The following AUTS2 variants were observed in gnomAD, a reference collection of about 807,000 sequenced individuals.
AUTS2 encodes activator of transcription and developmental regulator AUTS2.
A neutral mutation model predicts 112.4 loss-of-function variants in AUTS2; 17 were observed. The observed-to-expected ratio is 0.15, with a 90% CI of 0.10 to 0.23. The LOEUF (loss-of-function observed/expected upper bound fraction) is 0.23, where lower values mean the gene tolerates loss of function less well. Ranked by LOEUF, AUTS2 falls within the 10% of genes least tolerant of loss-of-function variation. AUTS2 has a pLI of 1.00. For synonymous variants in AUTS2, 751 were observed against 702.7 expected (o/e 1.07, Z -1.09); for missense variants, 1,510 against 1,701.6 (o/e 0.89, Z 1.98).
intron 4 of AUTS2, among the ~76,000 whole-genome samples, chr7:70,152,502 C>T (rs1322479166): frequency 6.6e-6 from 1 of 150,518 alleles, no homozygotes; most frequent in African/African-American, 2.4e-5. Flanking sequence ...AAATTGCCAA[C>T]CTAGAATTGT....
chr7:70,224,078 G>T (rs1187186986), intron 4 of AUTS2, among the ~76,000 whole-genome samples: 1 of 152,106 alleles, frequency 6.6e-6, no homozygotes, highest in African/African-American at 2.4e-5. Flanking sequence ...ATTTTAAGAG[G>T]CTGAGGCAGG....
rs111723309 is a variant in AUTS2, at chr7:70,553,697, AT to A, written c.690+117929del. 3.3e-3 allele frequency among the ~76,000 whole-genome samples: 425 copies of A among 128,888 alleles called. 1 individual carries two copies. Among genetic ancestry groups the A allele is most frequent in the African/African-American group, 7.2e-3 (252 of 34,870 alleles). The allele number at this position is 128,888 out of a possible 152,430, so 84.6% of individuals were successfully genotyped here. A position where few individuals can be genotyped will look rare whatever the true frequency, so the allele number is the denominator to read the frequency against. On this transcript the variant is annotated intron_variant, in intron 5 of 18. Coordinates refer to ENST00000342771, the MANE Select transcript of AUTS2 (RefSeq NM_015570.4). ...AGTAATGCTAAATATTTGCAAGGTG[AT>A]TTTTTTTTTTTTAAGACTTTAAAGG...
intron 4 of AUTS2, among the ~76,000 whole-genome samples, chr7:70,180,683 A>G (rs902609107): frequency 6.6e-6 from 1 of 152,128 alleles, no homozygotes; most frequent in African/African-American, 2.4e-5. Flanking sequence ...GCTCAGGTAC[A>G]TGAACTGCAA....
At chr7:69,700,244 A>G (rs140684872) in intron 1 of AUTS2, among the ~76,000 whole-genome samples, 3 of 152,302 alleles carry the variant, frequency 2.0e-5, no homozygotes, top group Non-Finnish European at 1.5e-5. Context: ...TACTATGTCC[A>G]AGATCTGATA....
chr7:69,807,990 C>T (rs1404813639), intron 1 of AUTS2, among the ~76,000 whole-genome samples: 1 of 142,344 alleles, frequency 7.0e-6, no homozygotes, highest in Non-Finnish European at 1.5e-5. Flanking sequence ...GTTGCCCAGG[C>T]TGGAGTGCAG....
chr7:69,913,610 T>G (rs1795448395), intron 2 of AUTS2, among the ~76,000 whole-genome samples: 1 of 152,328 alleles, frequency 6.6e-6, no homozygotes, highest in South Asian at 2.1e-4. Context: ...GAGGATACCC[T>G]TCTCATATTT....
intron 4 of AUTS2, among the ~76,000 whole-genome samples, chr7:70,166,906 A>G (rs74710205): frequency 0.016 from 2,367 of 152,334 alleles, 22 homozygotes; most frequent in Middle Eastern, 0.031. Context: ...TAAAGCAAAG[A>G]GGATGGAAAA....
intron 5 of AUTS2, among the ~76,000 whole-genome samples, chr7:70,567,309 A>G (rs777118257): frequency 3.9e-4 from 60 of 152,148 alleles, no homozygotes; most frequent in Non-Finnish European, 4.3e-4. Context: ...CAAAACATAC[A>G]TTTGACTTGA....
intron 5 of AUTS2, among the ~76,000 whole-genome samples, chr7:70,508,335 A>T (rs1799052256): frequency 6.6e-6 from 1 of 152,210 alleles, no homozygotes; most frequent in South Asian, 2.1e-4. Context: ...GCAGAATAGT[A>T]GCCAGGGAGA....
At chr7:70,036,111 G>A (rs941221685) in intron 2 of AUTS2, among the ~76,000 whole-genome samples, 3 of 152,182 alleles carry the variant, frequency 2.0e-5, no homozygotes, top group South Asian at 2.1e-4. Flanking sequence ...AAAAGGTAGC[G>A]GCGCCGGCCA....
chr7:70,753,842 T>C (rs1413315122), intron 6 of AUTS2, among the ~76,000 whole-genome samples: 1 of 152,160 alleles, frequency 6.6e-6, no homozygotes, highest in Non-Finnish European at 1.5e-5. Flanking sequence ...GGCAACAGAA[T>C]AGACAGGTGA....
At chr7:69,790,660 A>G (rs998062705) in intron 1 of AUTS2, among the ~76,000 whole-genome samples, 3 of 152,266 alleles carry the variant, frequency 2.0e-5, no homozygotes, top group Non-Finnish European at 2.9e-5. Context: ...TAAAATACTT[A>G]GAAAAGTGCC....
At chr7:70,240,118 C>T (rs76595393) in intron 4 of AUTS2, among the ~76,000 whole-genome samples, 1 of 152,118 alleles carries the variant, frequency 6.6e-6, no homozygotes, top group Non-Finnish European at 1.5e-5. Flanking sequence ...AGCAATGAGC[C>T]TAGCAACCAG....
chr7:69,913,121 A>G (rs1290671664), intron 2 of AUTS2, among the ~76,000 whole-genome samples: 1 of 152,222 alleles, frequency 6.6e-6, no homozygotes, highest in East Asian at 1.9e-4. Context: ...TTTTCTCCAC[A>G]TTCCTGTGCC....
Position 69,599,950 on chromosome 7 carries a change from T to G in AUTS2, c.297T>G (p.Phe99Leu), listed in dbSNP as rs201646173. The G allele has an allele frequency of 1.9e-6, 3 of 1,613,256 alleles. No homozygotes were observed. The highest frequency in any genetic ancestry group is 2.5e-6 in the Non-Finnish European group (3 of 1,179,830). The change falls in exon 1 of 19, where the codon TTT becomes TTG. Residue 99 changes from phenylalanine to leucine, a missense_variant. Physicochemically the swap from Phe to Leu is conservative, Grantham distance 22. Around this residue, in one of 3 missense-constraint regions of AUTS2, gnomAD observed 535 missense variants for 594.3 expected, o/e 0.90. Coordinates refer to ENST00000342771, the MANE Select transcript of AUTS2 (RefSeq NM_015570.4). The surrounding 1 kb of genome is among the most constrained non-coding windows in gnomAD (Gnocchi z 7.0). ...TTGCCATGACCAGCTTTGTCACTTT[T>G]GAAGCGCTGGAGGTAAGGGGGACCC... ...DGFAMTSFVT[F>L]EALEKDVALK...
chr7:69,605,409 C>A (rs537713823), intron 1 of AUTS2, among the ~76,000 whole-genome samples: 1 of 152,184 alleles, frequency 6.6e-6, no homozygotes, highest in Non-Finnish European at 1.5e-5. Context: ...TGTTACCAAC[C>A]CCACCAGGAG....
At chr7:69,618,040 A>G (rs1484774553) in intron 1 of AUTS2, among the ~76,000 whole-genome samples, 1 of 152,192 alleles carries the variant, frequency 6.6e-6, no homozygotes, top group African/African-American at 2.4e-5. Flanking sequence ...TCTGTATAAT[A>G]GGTCACATTA....
At chr7:70,158,427 A>G (rs1807898168) in intron 4 of AUTS2, among the ~76,000 whole-genome samples, 3 of 152,218 alleles carry the variant, frequency 2.0e-5, no homozygotes, top group African/African-American at 7.2e-5. Flanking sequence ...TGACAGGACA[A>G]AGTCAACGAG....
chr7:69,876,364 A>G (rs1289814391), intron 1 of AUTS2, among the ~76,000 whole-genome samples: 1 of 114,394 alleles, frequency 8.7e-6, no homozygotes, highest in Non-Finnish European at 1.7e-5. Flanking sequence ...ATATATATAT[A>G]TATATATATA....
Sources: gnomAD v4.1 joint callset for allele counts (sites outside exome capture counted in the v4.1 genomes callset) on GRCh38, gnomAD v4.1.1 for gene constraint, gnomAD v4.1.1 regional missense constraint, Gnocchi (gnomAD v3.1) non-coding constraint, MANE v1.5 for transcripts, NCBI Gene and HGNC (gene_info 2026-07-23, HGNC 2026-07-21) for gene names.